Variants in NCLN observed in about 807,000 individuals in gnomAD.
NCLN encodes the protein nicalin.
A neutral mutation model predicts 69.5 loss-of-function variants in NCLN; 34 were observed. The ratio of observed to expected loss-of-function variants is 0.49; its 90% CI spans 0.37 to 0.65. The LOEUF (loss-of-function observed/expected upper bound fraction) is 0.65. Among genes scored for constraint, NCLN ranks in the 30% least tolerant of loss-of-function variants. NCLN has a pLI of 0.00. For missense variants in NCLN, 710 were observed against 804.8 expected, an observed-to-expected ratio of 0.88 and a Z score of 1.42; for synonymous variants, 393 against 358.3, an observed-to-expected ratio of 1.10 and a Z score of -1.09.
chr19:3,191,846 G>A (rs369827157), intron 1 of NCLN, among the ~76,000 whole-genome samples: 2 of 152,102 alleles, frequency 1.3e-5, no homozygotes, highest in Non-Finnish European at 2.9e-5. Context: ...TGTAGACTTC[G>A]GTGTGGGGTG....
intron 12 of NCLN, 42 bp downstream of exon 12, chr19:3,206,467 C>T (rs377094587): frequency 9.9e-6 from 15 of 1,518,464 alleles, no homozygotes; most frequent in African/African-American, 2.8e-5. Context: ...AGCCTGGGGC[C>T]GAGGGGGACC....
At chr19:3,195,792 A>G (rs1159208105) in intron 3 of NCLN, among the ~76,000 whole-genome samples, 1 of 152,034 alleles carries the variant, frequency 6.6e-6, no homozygotes, top group Non-Finnish European at 1.5e-5. Context: ...CCCTGTCTCA[A>G]ATTAAAAAAA....
chr19:3,192,112 C>T (rs59151750), intron 1 of NCLN, among the ~76,000 whole-genome samples: 6,366 of 152,204 alleles, frequency 0.042, 427 homozygotes, highest in African/African-American at 0.15. Flanking sequence ...AGATTGAACC[C>T]GGGAGGTGGA....
At position 3,193,220 on chromosome 19, in the gene NCLN, G is replaced by A. The variant is rs1408497945; in HGVS notation, c.376-64G>A. On this transcript the variant is annotated intron_variant, in intron 2 of 14. Transcript: ENST00000246117. Reference sequence around the variant, plus strand: ...TACCCCCACCAGGGACAGTCACTGGGCCCCCTGCTACCTTGCCACCCCCAC... The same window carrying A: ...TACCCCCACCAGGGACAGTCACTGGACCCCCTGCTACCTTGCCACCCCCAC... 4 of 1,503,338 alleles carry A rather than the reference G, an allele frequency of 2.7e-6. No individual in the cohort carries two copies. In the African/African-American group the frequency reaches 4.2e-5, roughly 16 times the overall value. The allele number at this position is 1,503,338 out of a possible 1,614,324, so 93.1% of individuals were successfully genotyped here.
At chr19:3,200,606 A>G (rs1916101268) in intron 5 of NCLN, among the ~76,000 whole-genome samples, 1 of 152,036 alleles carries the variant, frequency 6.6e-6, no homozygotes, top group South Asian at 2.1e-4. Context: ...CACCGAGCCC[A>G]GGCAAATTTA....
At chr19:3,198,706 G>GCACC (rs1916039146) in intron 4 of NCLN, 111 bp from the exon 5 acceptor site, 1 of 774,312 alleles carries the variant, frequency 1.3e-6, no homozygotes, top group African/African-American at 1.8e-5. Context: ...GCCGATGCTG[G>GCACC]CACCCAGCGG....
intron 2 of NCLN, 23 bp downstream of exon 2, chr19:3,192,683 C>T: frequency 6.6e-7 from 1 of 1,507,708 alleles, no homozygotes. Flanking sequence ...CCTGCCCCGC[C>T]CGGCTCAGGT....
intron 5 of NCLN, among the ~76,000 whole-genome samples, chr19:3,200,052 G>A (rs542228438): frequency 6.6e-6 from 1 of 151,626 alleles, no homozygotes; most frequent in South Asian, 2.1e-4. Flanking sequence ...GGAGGGTCTG[G>A]GCAGATCTGC....
chr19:3,199,689 CTTTTTTTTTTT>C (rs71164662), intron 5 of NCLN, among the ~76,000 whole-genome samples: 18 of 69,542 alleles, frequency 2.6e-4, no homozygotes, highest in East Asian at 1.4e-3. Flanking sequence ...CTGCCTCCTC[CTTTTTTTTTTT>C]TTTTTTTTTT....
At chr19:3,186,327 T>C (rs1915668980) in intron 1 of NCLN, 113 bp downstream of exon 1, 7 of 1,219,794 alleles carry the variant, frequency 5.7e-6, no homozygotes, top group Non-Finnish European at 5.3e-6. Flanking sequence ...CGACCCATGC[T>C]CAGGCCCCAG....
chr19:3,189,637 C>G (rs1915759009), intron 1 of NCLN, among the ~76,000 whole-genome samples: 1 of 152,248 alleles, frequency 6.6e-6, no homozygotes, highest in Non-Finnish European at 1.5e-5. Context: ...CACAAGTGGT[C>G]TCAGCCCATT....
Position 3,196,238 on chromosome 19 carries a change from G to C in NCLN, c.576G>C (p.Gln192His). ...TCCAGATGGTCACCAGCGGGGTACA[G>C]AGCAAGGCCGTGAGTGACTGGCTGA... ...NGFQMVTSGV[Q>H]SKAVSDWLIA... Residue 192 changes from glutamine to histidine, a missense_variant, in exon 4 of 15, where the codon CAG becomes CAC. Transcript: ENST00000246117. 1 of 1,555,028 alleles carries C rather than the reference G, an allele frequency of 6.4e-7. No individual in the cohort carries two copies. Among genetic ancestry groups the C allele is most frequent in the Non-Finnish European group, 8.7e-7 (1 of 1,148,758 alleles).
Position 3,207,035 on chromosome 19 carries a change from G to A in NCLN, c.1500-163G>A, listed in dbSNP as rs530728656. Among the ~76,000 whole-genome samples the A allele has an allele frequency of 3.3e-5, 5 of 151,988 alleles. No homozygotes were observed. In the South Asian group the frequency reaches 1.0e-3, roughly 32 times the overall value. ...GATGGGGTTTCACCGTGTTGGCCAG[G>A]TTGGTCTTGAACTCTTGACTTCAAG... On this transcript the variant is annotated intron_variant, in intron 12 of 14. Transcript: ENST00000246117.
intron 5 of NCLN, among the ~76,000 whole-genome samples, chr19:3,199,818 A>G (rs1023795147): frequency 2.0e-5 from 3 of 148,546 alleles, no homozygotes; most frequent in African/African-American, 7.5e-5. Context: ...CTCCTGCCTC[A>G]GTCTCCCGAG....
intron 2 of NCLN, 111 bp downstream of exon 2, chr19:3,192,771 T>A: frequency 2.1e-6 from 2 of 953,452 alleles, no homozygotes; most frequent in Non-Finnish European, 1.5e-6. Context: ...CTTTGGAAAG[T>A]AGGATGGACT....
In NCLN at chr19:3,192,684, C is replaced by T. The variant is rs539984581; in HGVS notation, c.375+24C>T. 2.8e-4 allele frequency: 428 copies of T among 1,503,892 alleles called. 3 individuals carry two copies. The East Asian group carries it at 9.3e-3, about 33-fold the overall frequency. 93.2% of individuals were successfully genotyped at this position (1,503,892 alleles called of 1,614,324 possible). A position where few individuals can be genotyped will look rare whatever the true frequency, so the allele number is the denominator to read the frequency against. On this transcript the variant is annotated intron_variant, in intron 2 of 14. Transcript: ENST00000246117. ...GGGTGAGCGTCTGCCCTGCCCCGCCCGGCTCAGGTCCAGAGCTGCGGCGGG... is the reference window on the plus strand; with the variant it reads ...GGGTGAGCGTCTGCCCTGCCCCGCCTGGCTCAGGTCCAGAGCTGCGGCGGG...
chr19:3,197,572 G>T (rs1915998951), intron 4 of NCLN, among the ~76,000 whole-genome samples: 1 of 151,966 alleles, frequency 6.6e-6, no homozygotes, highest in African/African-American at 2.4e-5. Context: ...CTCCCGAGTA[G>T]CTGGGATTAC....
In NCLN at chr19:3,203,865, G is replaced by T. The variant is rs1916189013; in HGVS notation, c.889+21G>T. ...CACAGGTGAGCGGCCCCGGGTGGGG[G>T]TGGGGGTGCCGCGGTGGTGGTGCCG... On this transcript the variant is annotated intron_variant, in intron 7 of 14. Transcript: ENST00000246117. 4 of 1,608,732 alleles carry T rather than the reference G, an allele frequency of 2.5e-6. No homozygotes were observed. The South Asian group carries it at 3.3e-5, about 13-fold the overall frequency.
rs374091370 is a variant in NCLN at position 3,208,049 on chromosome 19, C to T, written c.*361C>T. The T allele has an allele frequency of 7.7e-6, 2 of 259,828 alleles. No homozygotes were observed. The highest frequency in any genetic ancestry group is 9.8e-5 in the East Asian group (1 of 10,224). The allele number at this position is 259,828 out of a possible 1,614,324, so 16.1% of individuals were successfully genotyped here. ...CGCCGGGACCCCCTGCCCGATCGCG[C>T]GCGGCCTCCGCCCACCGCCTCCTGC... On this transcript the variant is annotated 3_prime_UTR_variant, in exon 15 of 15. Transcript: ENST00000246117.
Sources: gnomAD v4.1 joint callset for allele counts (sites outside exome capture counted in the v4.1 genomes callset) on GRCh38, gnomAD v4.1.1 for gene constraint, MANE v1.5 for transcripts, NCBI Gene and HGNC (gene_info 2026-07-23, HGNC 2026-07-21) for gene names.